Variants in CNIH3 observed in about 807,000 individuals in gnomAD.
CNIH3 encodes protein cornichon homolog 3.
CNIH3 carries 14 observed loss-of-function variants against 24.1 expected under a neutral mutation model. The ratio of observed to expected loss-of-function variants is 0.58; its 90% CI spans 0.38 to 0.91. The LOEUF is 0.91. Among genes scored for constraint, CNIH3 ranks in the 40% least tolerant of loss-of-function variants. CNIH3 has a pLI of 0.00. For synonymous variants in CNIH3, 68 were observed against 73.8 expected (o/e 0.92, Z 0.40); for missense variants, 178 against 196.8 (o/e 0.90, Z 0.57).
chr1:224,488,521 C>T (rs933376705), intron 1 of CNIH3, among the ~76,000 whole-genome samples: 18 of 152,004 alleles, frequency 1.2e-4, no homozygotes, highest in Non-Finnish European at 2.2e-4. Flanking sequence ...AGTGCAGTGG[C>T]ACAATCATAG....
intron 1 of CNIH3, among the ~76,000 whole-genome samples, chr1:224,673,025 C>G (rs761707145): frequency 1.3e-5 from 2 of 152,192 alleles, no homozygotes; most frequent in Non-Finnish European, 2.9e-5. Context: ...GATTCATGAT[C>G]TCTTTAAATA....
chr1:224,463,773 AT>A (rs56137320), intron 1 of CNIH3, among the ~76,000 whole-genome samples: 688 of 20,730 alleles, frequency 0.033, 95 homozygotes, highest in African/African-American at 0.059. Flanking sequence ...AATTGTCCTC[AT>A]TTTTTTTTTT....
At chr1:224,596,425 A>G (rs571796460) in intron 3 of CNIH3, among the ~76,000 whole-genome samples, 1 of 152,344 alleles carries the variant, frequency 6.6e-6, no homozygotes, top group South Asian at 2.1e-4. Flanking sequence ...ATTACTGCTC[A>G]TTGACAATGT....
intron 1 of CNIH3, among the ~76,000 whole-genome samples, chr1:224,678,830 T>C (rs1686260141): frequency 6.6e-6 from 1 of 152,116 alleles, no homozygotes. Flanking sequence ...AATAGCTGCA[T>C]GTGGCTAGAG....
chr1:224,720,549 TG>T (rs1688667599), intron 3 of CNIH3, among the ~76,000 whole-genome samples: 1 of 152,044 alleles, frequency 6.6e-6, no homozygotes, highest in Non-Finnish European at 1.5e-5. Context: ...GCACCGTGGG[TG>T]GGACAGGTTG....
intron 3 of CNIH3, among the ~76,000 whole-genome samples, chr1:224,716,891 G>A (rs950401792): frequency 6.6e-6 from 1 of 152,186 alleles, no homozygotes; most frequent in African/African-American, 2.4e-5. Context: ...TCCTCATCAG[G>A]CCCCTTCAGA....
chr1:224,559,904 G>A (rs1390292439), intron 3 of CNIH3, among the ~76,000 whole-genome samples: 1 of 151,908 alleles, frequency 6.6e-6, no homozygotes, highest in African/African-American at 2.4e-5. Flanking sequence ...TGATGTCTTT[G>A]CATTTTTTTC....
At chr1:224,569,058 G>A (rs1462616856) in intron 4 of CNIH3, among the ~76,000 whole-genome samples, 3 of 152,098 alleles carry the variant, frequency 2.0e-5, no homozygotes, top group East Asian at 3.9e-4. Context: ...AGTAGAGACG[G>A]GGTTTCTCCA....
At chr1:224,639,586 T>A (rs1684255970) in intron 1 of CNIH3, among the ~76,000 whole-genome samples, 1 of 152,216 alleles carries the variant, frequency 6.6e-6, no homozygotes, top group South Asian at 2.1e-4. Flanking sequence ...GATAACATCT[T>A]AACATATGTC....
chr1:224,474,271 G>A (rs1676478642), intron 1 of CNIH3, among the ~76,000 whole-genome samples: 1 of 151,298 alleles, frequency 6.6e-6, no homozygotes, highest in South Asian at 2.1e-4. Flanking sequence ...GGCTGAGGCA[G>A]AAGAATCACT....
At chr1:224,615,214 G>A (rs886151341), upstream of CNIH3, 2 of 152,032 alleles carry the variant, frequency 1.3e-5, no homozygotes, top group African/African-American at 4.8e-5. Flanking sequence ...CCTGTGCAAG[G>A]TACCAGGTGC....
chr1:224,559,375 T>C lies in CNIH3; in HGVS notation n.451-6824T>C, dbSNP rs1381899952. 2.6e-5 allele frequency among the ~76,000 whole-genome samples: 4 copies of C among 152,218 alleles called. No individual in the cohort carries two copies. The East Asian group carries it at 5.8e-4, about 22-fold the overall frequency. On this transcript the variant is annotated intron_variant and non_coding_transcript_variant, in intron 3 of 5. Transcript: ENST00000471578. ...GCTGGGTTTTTCACTTATTCTCTGT[T>C]ACACTAAGCTTTTAGGTCTTGCTCC...
chr1:224,463,118 G>A (rs988719855), intron 1 of CNIH3, among the ~76,000 whole-genome samples: 8 of 151,868 alleles, frequency 5.3e-5, no homozygotes, highest in Non-Finnish European at 8.8e-5. Flanking sequence ...GGATGGTCTC[G>A]ATCTCTTGAC....
chr1:224,737,012 C>T (rs1375078162), intron 5 of CNIH3, among the ~76,000 whole-genome samples: 1 of 152,214 alleles, frequency 6.6e-6, no homozygotes, highest in African/African-American at 2.4e-5. Context: ...ACAGCACTGT[C>T]TCTCCTCTAA....
chr1:224,497,370 G>A (rs180897112), intron 1 of CNIH3, among the ~76,000 whole-genome samples: 1 of 152,250 alleles, frequency 6.6e-6, no homozygotes, highest in East Asian at 1.9e-4. Flanking sequence ...TAGATTTTAT[G>A]TTTACTTTAA....
intron 3 of CNIH3, among the ~76,000 whole-genome samples, chr1:224,688,942 A>C (rs2125155347): frequency 6.6e-6 from 1 of 151,444 alleles, no homozygotes; most frequent in East Asian, 1.9e-4. Context: ...AAAAAAAAAA[A>C]GATTTGTATT....
intron 1 of CNIH3, among the ~76,000 whole-genome samples, chr1:224,674,272 G>GTTTTTTTTTTTTTTTTTTTTTTT (rs71170028): frequency 1.4e-5 from 1 of 72,062 alleles, no homozygotes; most frequent in Non-Finnish European, 2.7e-5. Context: ...TTCCAGGAAG[G>GTTTTTTTTTTTTTTTTTTTTTTT]TTTTTTTTTT....
intron 4 of CNIH3, among the ~76,000 whole-genome samples, chr1:224,566,623 G>A (rs1014071504): frequency 1.3e-5 from 2 of 152,080 alleles, no homozygotes; most frequent in African/African-American, 4.8e-5. Flanking sequence ...GTGGTGTTTG[G>A]TTTTCTGTTC....
intron 3 of CNIH3, among the ~76,000 whole-genome samples, chr1:224,720,665 A>C (rs112985451): frequency 3.3e-4 from 51 of 152,246 alleles, no homozygotes; most frequent in African/African-American, 1.1e-3. Context: ...GAGTAACTAG[A>C]GGCAGAAGAT....
Sources: allele counts gnomAD v4.1 joint callset (sites outside exome capture counted in the v4.1 genomes callset), GRCh38; gene constraint gnomAD v4.1.1; transcripts MANE v1.5; gene names NCBI Gene and HGNC (gene_info 2026-07-23, HGNC 2026-07-21).